Variants in KSR2 observed in about 807,000 individuals in gnomAD.
KSR2 encodes kinase suppressor of ras 2.
Under a neutral mutation model 107.8 loss-of-function variants are expected in KSR2, and 25 were observed. That is an observed-to-expected ratio of 0.23 (90% CI 0.17 to 0.32). The LOEUF is 0.32. Among genes scored for constraint, KSR2 ranks in the 10% least tolerant of loss-of-function variants. KSR2 has a pLI of 1.00. For missense variants in KSR2, 887 were observed against 1,268.9 expected, an observed-to-expected ratio of 0.70 and a Z score of 4.57; for synonymous variants, 480 against 507.0, an observed-to-expected ratio of 0.95 and a Z score of 0.71.
intron 14 of KSR2, among the ~76,000 whole-genome samples, chr12:117,506,740 T>C (rs1873705937): frequency 6.6e-6 from 1 of 152,230 alleles, no homozygotes; most frequent in South Asian, 2.1e-4. Flanking sequence ...TGGCTTATTC[T>C]GGGAATAGTT....
rs1171543015 is a variant in KSR2 at position 117,458,335 on chromosome 12, C to G, written c.*8864G>C. 6.6e-6 allele frequency: 1 copy of G among 151,946 alleles called. No homozygotes were observed. Among genetic ancestry groups the G allele is most frequent in the Non-Finnish European group, 1.5e-5 (1 of 68,008 alleles). The allele number at this position is 151,946 out of a possible 1,614,324, so 9.4% of individuals were successfully genotyped here. ...TTTCCTCCTGATATCCTGGTACCAG[C>G]CTTTCCAAAATTCTCACTGTAGTGC... On this transcript the variant is annotated 3_prime_UTR_variant, in exon 20 of 20. Coordinates refer to ENST00000339824, the MANE Select transcript of KSR2 (RefSeq NM_173598.6).
chr12:117,712,069 A>G (rs1886804815), intron 4 of KSR2, among the ~76,000 whole-genome samples: 1 of 152,166 alleles, frequency 6.6e-6, no homozygotes. Flanking sequence ...GGTCCAGAAA[A>G]GGGGCTTCAA....
At chr12:117,591,508 C>A (rs58478523) in intron 5 of KSR2, among the ~76,000 whole-genome samples, 2 of 151,960 alleles carry the variant, frequency 1.3e-5, no homozygotes, top group African/African-American at 4.8e-5. Context: ...AGATGCCCTG[C>A]TAGGAGTGTC....
At chr12:117,802,894 C>T (rs1359896731) in intron 3 of KSR2, among the ~76,000 whole-genome samples, 3 of 152,226 alleles carry the variant, frequency 2.0e-5, no homozygotes, top group Non-Finnish European at 4.4e-5. Context: ...TCTTCACACC[C>T]CCCAATCTGG....
At chr12:117,955,115 T>C (rs968886307) in intron 1 of KSR2, among the ~76,000 whole-genome samples, 1 of 151,506 alleles carries the variant, frequency 6.6e-6, no homozygotes, top group Non-Finnish European at 1.5e-5. Context: ...TCATGTAAAA[T>C]GATCATTTTA....
intron 10 of KSR2, chr12:117,539,452 T>A: frequency 4.7e-6 from 2 of 425,052 alleles, no homozygotes; most frequent in Middle Eastern, 5.7e-4. Context: ...TTCCTGCACC[T>A]CTTTGAGCCT....
Position 117,519,269 on chromosome 12 carries a change from T to A in KSR2, c.2219+5583A>T, listed in dbSNP as rs61937215. On this transcript the variant is annotated intron_variant, in intron 14 of 19. Transcript: ENST00000339824. Reference sequence around the variant, plus strand: ...TGCCTGAGAGAAGAGGTTTCCAAGGTGTGCCCGAAGCTCTTGGCAGTTGTA... The same window carrying A: ...TGCCTGAGAGAAGAGGTTTCCAAGGAGTGCCCGAAGCTCTTGGCAGTTGTA... Among the ~76,000 whole-genome samples the A allele has an allele frequency of 8.0e-3, 1,220 of 152,272 alleles. 5 individuals are homozygous for A. The highest frequency in any genetic ancestry group is 0.013 in the Non-Finnish European group (852 of 68,020).
At chr12:117,568,042 C>T (rs184929698) in intron 7 of KSR2, among the ~76,000 whole-genome samples, 14 of 152,262 alleles carry the variant, frequency 9.2e-5, no homozygotes, top group Admixed American at 6.5e-4. Context: ...GAGCAAAGGG[C>T]GGTAGGAAGT....
chr12:117,580,818 T>C (rs1027224220), intron 6 of KSR2, among the ~76,000 whole-genome samples: 1 of 152,022 alleles, frequency 6.6e-6, no homozygotes, highest in African/African-American at 2.4e-5. Context: ...GCATGGCCAA[T>C]CCAGGGGCCG....
intron 1 of KSR2, among the ~76,000 whole-genome samples, chr12:117,874,442 A>G: frequency 6.6e-6 from 1 of 152,132 alleles, no homozygotes; most frequent in Non-Finnish European, 1.5e-5. Flanking sequence ...TATGTTGCCC[A>G]GGCTGGCCTC....
chr12:117,550,430 C>T (rs1368262254), intron 9 of KSR2, among the ~76,000 whole-genome samples: 1 of 152,222 alleles, frequency 6.6e-6, no homozygotes, highest in Non-Finnish European at 1.5e-5. Flanking sequence ...TCCAACCCAA[C>T]AGCCTTTGTT....
At chr12:117,844,593 C>T (rs192759529) in intron 3 of KSR2, among the ~76,000 whole-genome samples, 1 of 151,918 alleles carries the variant, frequency 6.6e-6, no homozygotes, top group African/African-American at 2.4e-5. Context: ...ACATCACAGC[C>T]CAAATTTCCA....
intron 7 of KSR2, among the ~76,000 whole-genome samples, chr12:117,575,198 G>A (rs1402865944): frequency 6.6e-6 from 1 of 152,142 alleles, no homozygotes; most frequent in Non-Finnish European, 1.5e-5. Flanking sequence ...AAGGGATTTT[G>A]TCTCTTTTAT....
chr12:117,816,501 A>G (rs573013329), intron 3 of KSR2, among the ~76,000 whole-genome samples: 33 of 152,342 alleles, frequency 2.2e-4, no homozygotes, highest in African/African-American at 7.2e-4. Context: ...TGTTGCAATA[A>G]TATTTTACAA....
At chr12:117,659,747 A>G (rs1030741713) in intron 5 of KSR2, among the ~76,000 whole-genome samples, 1 of 152,216 alleles carries the variant, frequency 6.6e-6, no homozygotes, top group African/African-American at 2.4e-5. Flanking sequence ...TCTGACATCT[A>G]TCCTAGAACA....
rs377439195 is a variant in KSR2, at chr12:117,897,921, CTG to C, written c.181-37492_181-37491del. ...GTTGGCAGTCTATTGTACACACCGTCTGTGTGTGTGTCTGTGTGCACTCATAC... is the reference window on the plus strand; with the variant it reads ...GTTGGCAGTCTATTGTACACACCGTCTGTGTGTGTCTGTGTGCACTCATAC... On this transcript the variant is annotated intron_variant, in intron 1 of 19. Transcript: ENST00000339824. This position sits in a 1 kb window ranked among gnomAD's most constrained non-coding sequence, Gnocchi z 4.5. Among the ~76,000 whole-genome samples the C allele has an allele frequency of 6.6e-6, 1 of 151,624 alleles. No homozygotes were observed. Among genetic ancestry groups the C allele is most frequent in the Non-Finnish European group, 1.5e-5 (1 of 68,018 alleles).
At position 117,646,683 on chromosome 12, in the gene KSR2, C is replaced by T. The variant is rs1883661050; in HGVS notation, c.1171+20791G>A. On this transcript the variant is annotated intron_variant, in intron 5 of 19. Coordinates refer to ENST00000339824, the MANE Select transcript of KSR2 (RefSeq NM_173598.6). ...CAGCATCGAGTTTCTTCTGAAGGGGCGCACCAGCACCCGCCCTACAGAGCT... is the reference window on the plus strand; with the variant it reads ...CAGCATCGAGTTTCTTCTGAAGGGGTGCACCAGCACCCGCCCTACAGAGCT... Among the ~76,000 whole-genome samples, 4 of 152,248 alleles carry T rather than the reference C, an allele frequency of 2.6e-5. No individual in the cohort carries two copies. In the South Asian group the frequency reaches 6.2e-4, roughly 24 times the overall value.
chr12:117,724,244 G>A (rs1887322341), intron 4 of KSR2, among the ~76,000 whole-genome samples: 1 of 148,980 alleles, frequency 6.7e-6, no homozygotes, highest in South Asian at 2.1e-4. Flanking sequence ...GGAGGTGGAA[G>A]TTGCAGTGAG....
chr12:117,748,209 G>A (rs1888482932), intron 4 of KSR2, among the ~76,000 whole-genome samples: 1 of 152,144 alleles, frequency 6.6e-6, no homozygotes, highest in African/African-American at 2.4e-5. Context: ...GGTTCAGAAA[G>A]ACAAATACTG....
Sources: allele counts gnomAD v4.1 joint callset (sites outside exome capture counted in the v4.1 genomes callset), GRCh38; gene constraint gnomAD v4.1.1; non-coding constraint Gnocchi (gnomAD v3.1); transcripts MANE v1.5; gene names NCBI Gene and HGNC (gene_info 2026-07-23, HGNC 2026-07-21).